Variants in EPM2A observed in about 807,000 individuals in gnomAD.
EPM2A encodes the protein laforin.
EPM2A carries 21 observed loss-of-function variants against 26.5 expected under a neutral mutation model. That is an observed-to-expected ratio of 0.79 (90% CI 0.56 to 1.14). EPM2A has a LOEUF of 1.14. Ranked by LOEUF, EPM2A falls within the 50% of genes most tolerant of loss-of-function variation. The probability of loss-of-function intolerance (pLI) is 0.00; values close to 1 mark genes in which losing one functional copy is unlikely to be tolerated. For missense variants in EPM2A, 458 were observed against 440.8 expected (o/e 1.04, Z -0.35); for synonymous variants, 217 against 177.6 (o/e 1.22, Z -1.76).
At chr6:145,674,061 G>A (rs1410200720) in intron 2 of EPM2A, among the ~76,000 whole-genome samples, 1 of 152,126 alleles carries the variant, frequency 6.6e-6, no homozygotes, top group Non-Finnish European at 1.5e-5. Flanking sequence ...CCTCATACAG[G>A]CGGGTGCCCC....
chr6:145,730,919 C>G (rs1360455043), intron 1 of EPM2A, among the ~76,000 whole-genome samples: 1 of 152,146 alleles, frequency 6.6e-6, no homozygotes, highest in African/African-American at 2.4e-5. Context: ...CCACCTGCCT[C>G]CTTCAACCCC....
chr6:145,392,718 T>C (rs1206268349), intron 4 of EPM2A, among the ~76,000 whole-genome samples: 4 of 152,142 alleles, frequency 2.6e-5, no homozygotes, highest in Non-Finnish European at 5.9e-5. Flanking sequence ...GGCTTCATTA[T>C]AAATATATAT....
chr6:145,719,090 A>C (rs1476636157), intron 1 of EPM2A, among the ~76,000 whole-genome samples: 5 of 152,186 alleles, frequency 3.3e-5, no homozygotes, highest in African/African-American at 1.2e-4. Context: ...TAGAACTAGA[A>C]ATACCATTTG....
At chr6:145,390,844 C>A (rs916028490) in intron 4 of EPM2A, among the ~76,000 whole-genome samples, 1 of 152,108 alleles carries the variant, frequency 6.6e-6, no homozygotes, top group African/African-American at 2.4e-5. Flanking sequence ...ACTAGTCCAA[C>A]ACCTGCAGCA....
intron 4 of EPM2A, among the ~76,000 whole-genome samples, chr6:145,435,300 C>T (rs1262214747): frequency 6.6e-6 from 1 of 151,704 alleles, no homozygotes; most frequent in Admixed American, 6.6e-5. Flanking sequence ...ATTATTTTCA[C>T]ATGAGAAGAT....
intron 1 of EPM2A, among the ~76,000 whole-genome samples, chr6:145,688,408 A>C (rs1240184818): frequency 1.3e-5 from 2 of 152,210 alleles, no homozygotes; most frequent in African/African-American, 4.8e-5. Context: ...AATGCCTCTT[A>C]AGCTTCTAGT....
chr6:145,592,151 C>A (rs1490340020), intron 2 of EPM2A, among the ~76,000 whole-genome samples: 1 of 85,270 alleles, frequency 1.2e-5, no homozygotes, highest in East Asian at 4.2e-4. Context: ...CTAATGCTAT[C>A]CCTCCCCCCT....
At chr6:145,660,397 T>C (rs939895241) in intron 2 of EPM2A, among the ~76,000 whole-genome samples, 3 of 152,208 alleles carry the variant, frequency 2.0e-5, no homozygotes, top group Admixed American at 2.0e-4. Context: ...GGAACAATAA[T>C]ACATATTTTA....
chr6:145,542,471 A>G (rs888970536), intron 2 of EPM2A, among the ~76,000 whole-genome samples: 2 of 152,226 alleles, frequency 1.3e-5, no homozygotes, highest in African/African-American at 4.8e-5. Flanking sequence ...AGCTTAAAAA[A>G]CATATGCAGG....
intron 4 of EPM2A, among the ~76,000 whole-genome samples, chr6:145,445,170 T>A (rs1779114649): frequency 6.6e-6 from 1 of 152,174 alleles, no homozygotes; most frequent in Admixed American, 6.6e-5. Flanking sequence ...AGCTTAGAAC[T>A]TTCTCTAGTT....
chr6:145,556,271 A>C (rs1021434453), intron 2 of EPM2A, among the ~76,000 whole-genome samples: 6 of 152,130 alleles, frequency 3.9e-5, no homozygotes, highest in Middle Eastern at 6.3e-3. Flanking sequence ...TCTTCAATTC[A>C]TCTAGTGGGA....
intron 2 of EPM2A, among the ~76,000 whole-genome samples, chr6:145,551,968 C>A: frequency 6.7e-6 from 1 of 150,266 alleles, no homozygotes. Context: ...TTAGGTAAAA[C>A]CAAATAATGA....
chr6:145,594,586 T>C (rs1781316245), intron 2 of EPM2A, among the ~76,000 whole-genome samples: 1 of 151,864 alleles, frequency 6.6e-6, no homozygotes, highest in South Asian at 2.1e-4. Context: ...TGCAATAATA[T>C]ACAAAAAATT....
intron 2 of EPM2A, among the ~76,000 whole-genome samples, chr6:145,581,820 G>T (rs1781118455): frequency 6.6e-6 from 1 of 152,080 alleles, no homozygotes; most frequent in South Asian, 2.1e-4. Context: ...CTTTTTCCTG[G>T]GTTCTGTGTT....
At chr6:145,636,303 C>G (rs942482027) in intron 2 of EPM2A, 1 of 152,066 alleles carries the variant, frequency 6.6e-6, no homozygotes, top group Non-Finnish European at 1.5e-5. Flanking sequence ...GAGTTCTAGA[C>G]AAGCCTGGCC....
At chr6:145,514,267 C>A (rs1780094910) in intron 2 of EPM2A, among the ~76,000 whole-genome samples, 1 of 152,112 alleles carries the variant, frequency 6.6e-6, no homozygotes, top group African/African-American at 2.4e-5. Context: ...CCCACGACTC[C>A]ATATTGCCTC....
intron 2 of EPM2A, among the ~76,000 whole-genome samples, chr6:145,680,383 ATTTTAT>A (rs1209677956): frequency 1.4e-5 from 2 of 144,904 alleles, no homozygotes; most frequent in African/African-American, 5.0e-5. Context: ...TTATTTATTT[ATTTTAT>A]TTTATTTTAT....
chr6:145,471,377 A>C (rs1167395050), intron 4 of EPM2A, among the ~76,000 whole-genome samples: 1 of 152,124 alleles, frequency 6.6e-6, no homozygotes, highest in Non-Finnish European at 1.5e-5. Context: ...TATCATCCCC[A>C]TCCCTGCATC....
chr6:145,547,901 T>C (rs906342562), intron 2 of EPM2A, among the ~76,000 whole-genome samples: 3 of 152,134 alleles, frequency 2.0e-5, no homozygotes, highest in Admixed American at 6.6e-5. Flanking sequence ...TGATTGTATA[T>C]GATAATAATG....
Sources: allele counts gnomAD v4.1 joint callset (sites outside exome capture counted in the v4.1 genomes callset), GRCh38; gene constraint gnomAD v4.1.1; transcripts MANE v1.5; gene names NCBI Gene and HGNC (gene_info 2026-07-23, HGNC 2026-07-21).